ANKRD12: variants seen among roughly 807,000 people sequenced by gnomAD.
ANKRD12 encodes the protein ankyrin repeat domain-containing protein 12.
In ANKRD12, 85 loss-of-function variants were observed where a neutral mutation model predicts 183.4. The ratio of observed to expected loss-of-function variants is 0.46; its 90% CI spans 0.39 to 0.56. ANKRD12 has a LOEUF of 0.56. Ranked by LOEUF, ANKRD12 falls within the 20% of genes least tolerant of loss-of-function variation. The pLI is 0.00. For synonymous variants in ANKRD12, 914 were observed against 800.2 expected, an observed-to-expected ratio of 1.14 and a Z score of -2.40; for missense variants, 2,405 against 2,357.1, an observed-to-expected ratio of 1.02 and a Z score of -0.42.
At chr18:9,195,764 T>G in intron 3 of ANKRD12, 66 bp downstream of exon 3, 1 of 1,464,698 alleles carries the variant, frequency 6.8e-7, no homozygotes, top group Non-Finnish European at 9.3e-7. Context: ...TTGTTTCTTG[T>G]ACACCACTCC....
At chr18:9,178,114 C>T (rs1017300461) in intron 1 of ANKRD12, among the ~76,000 whole-genome samples, 3 of 152,198 alleles carry the variant, frequency 2.0e-5, no homozygotes, top group African/African-American at 7.2e-5. Context: ...ATTTAAAGAG[C>T]AGAAGTTTTT....
chr18:9,257,582 T>C lies in ANKRD12; in HGVS notation c.4315T>C (p.Ser1439Pro). The change falls in exon 9 of 13, where the codon TCT becomes CCT. Residue 1439 changes from serine (S) to proline (P), a missense_variant. Ser to Pro is a moderately conservative substitution (Grantham distance 74, BLOSUM62 -1). This residue lies in a region of ANKRD12 where 1,983 missense variants were observed against 1,725.9 expected (regional missense o/e 1.15). Transcript: ENST00000262126. The part of the protein sequence containing the change: ...LSTRDFICPN[S>P]NIPDQESSLQ... ...CACCAGAGACTTTATCTGCCCAAAT[T>C]CTAACATACCTGATCAAGAATCCTC... 6.2e-7 allele frequency: 1 copy of C among 1,614,064 alleles called. No homozygotes were observed. Among genetic ancestry groups the C allele is most frequent in the Non-Finnish European group, 8.5e-7 (1 of 1,179,982 alleles).
intron 1 of ANKRD12, among the ~76,000 whole-genome samples, chr18:9,157,573 G>GTATATA (rs1409678510): frequency 8.9e-6 from 1 of 112,160 alleles, no homozygotes; most frequent in Non-Finnish European, 1.8e-5. Flanking sequence ...GTGTGTGTGT[G>GTATATA]TGTGTGTGTG....
intron 2 of ANKRD12, among the ~76,000 whole-genome samples, chr18:9,193,862 C>G (rs530411287): frequency 4.6e-5 from 7 of 152,336 alleles, no homozygotes; most frequent in African/African-American, 1.7e-4. Flanking sequence ...ACATTTCTCA[C>G]AAAGGAGTTG....
At chr18:9,154,088 A>C (rs1325951275) in intron 1 of ANKRD12, among the ~76,000 whole-genome samples, 1 of 152,108 alleles carries the variant, frequency 6.6e-6, no homozygotes, top group East Asian at 1.9e-4. Flanking sequence ...GAAAAAGTTC[A>C]AGCAGGGCGG....
intron 10 of ANKRD12, among the ~76,000 whole-genome samples, chr18:9,270,453 A>T (rs1232388800): frequency 6.6e-6 from 1 of 152,244 alleles, no homozygotes; most frequent in East Asian, 1.9e-4. Flanking sequence ...TGATGAGTTT[A>T]TGTCCTCTGT....
intron 3 of ANKRD12, chr18:9,200,726 T>C (rs1237317866): frequency 6.6e-6 from 1 of 152,230 alleles, no homozygotes; most frequent in Non-Finnish European, 1.5e-5. Flanking sequence ...TGACATAGCA[T>C]GTAAATTTAG....
chr18:9,208,834 A>G (rs1204280776), intron 5 of ANKRD12, 31 bp downstream of exon 5: 1 of 1,472,178 alleles, frequency 6.8e-7, no homozygotes, highest in East Asian at 2.4e-5. Context: ...GTTAATGTGT[A>G]TCCCTAGTTT....
intron 1 of ANKRD12, among the ~76,000 whole-genome samples, chr18:9,139,168 T>C (rs978350580): frequency 1.3e-5 from 2 of 152,212 alleles, no homozygotes; most frequent in African/African-American, 4.8e-5. Context: ...AACAAAAATA[T>C]TCAGACGAGG....
chr18:9,202,293 A>G (rs947781328), intron 3 of ANKRD12, among the ~76,000 whole-genome samples: 2 of 152,200 alleles, frequency 1.3e-5, no homozygotes, highest in African/African-American at 4.8e-5. Context: ...GATGCCATTT[A>G]AGGGTTTACC....
rs147474107 is a variant in ANKRD12, at chr18:9,235,178, G to A, written c.943+13179G>A. Among the ~76,000 whole-genome samples, 14 of 152,292 alleles carry A rather than the reference G, an allele frequency of 9.2e-5. No individual in the cohort carries two copies. In the East Asian group the frequency reaches 2.5e-3, roughly 27 times the overall value. ...AAAAAATTAATTCATCATCATAAGA[G>A]GATGATAGAGAGCCAGTTTGTCATC... On this transcript the variant is annotated intron_variant, in intron 8 of 12. Transcript: ENST00000262126.
chr18:9,157,555 GTGTGT>G, intron 1 of ANKRD12, among the ~76,000 whole-genome samples: 1 of 84,172 alleles, frequency 1.2e-5, no homozygotes, highest in East Asian at 3.3e-4. Flanking sequence ...GTGTGGGTGT[GTGTGT>G]GTGTGTGTGT....
At chr18:9,262,073 T>C (rs1416238017) in intron 9 of ANKRD12, among the ~76,000 whole-genome samples, 3 of 152,226 alleles carry the variant, frequency 2.0e-5, no homozygotes, top group African/African-American at 7.2e-5. Context: ...TGTAGAATTT[T>C]CCACATTGTG....
In ANKRD12 at chr18:9,169,319, A is replaced by G. The variant is rs535619957; in HGVS notation, c.-51-13063A>G. Among the ~76,000 whole-genome samples the G allele has an allele frequency of 5.3e-5, 8 of 152,222 alleles. No homozygotes were observed. The South Asian group carries it at 1.5e-3, about 28-fold the overall frequency. ...TGTCTAATGTTGAAAGTGGGGTGTTAAAGTCTCCCATTATTGTGTGGGAGT... is the reference window on the plus strand; with the variant it reads ...TGTCTAATGTTGAAAGTGGGGTGTTGAAGTCTCCCATTATTGTGTGGGAGT... On this transcript the variant is annotated intron_variant, in intron 1 of 12. Coordinates refer to ENST00000262126, the MANE Select transcript of ANKRD12 (RefSeq NM_015208.5).
Position 9,254,532 on chromosome 18 carries a change from T to C in ANKRD12, c.1265T>C (p.Leu422Ser). 2 of 1,552,120 alleles carry C rather than the reference T, an allele frequency of 1.3e-6. No homozygotes were observed. Among genetic ancestry groups the C allele is most frequent in the Non-Finnish European group, 1.7e-6 (2 of 1,155,140 alleles). ...AAAAAACAAAAGCCATCTAGGGTCTTATATTCAAGTACTGAAAGTTCTGAT... is the reference window on the plus strand; with the variant it reads ...AAAAAACAAAAGCCATCTAGGGTCTCATATTCAAGTACTGAAAGTTCTGAT... ...KSKKQKPSRV[L>S]YSSTESSDEE... is the part of the protein sequence containing the mutation. The change falls in exon 9 of 13, where the codon TTA (leucine) becomes TCA (serine). Residue 422 changes from leucine to serine, a missense_variant. By Grantham distance (145) the Leu-to-Ser change is moderately radical. Transcript: ENST00000262126.
intron 12 of ANKRD12, among the ~76,000 whole-genome samples, chr18:9,280,655 G>T (rs2040069436): frequency 6.6e-6 from 1 of 152,128 alleles, no homozygotes; most frequent in Non-Finnish European, 1.5e-5. Flanking sequence ...TGGGCGTGGT[G>T]GCACATGCCT....
Position 9,254,278 on chromosome 18 carries a change from A to G in ANKRD12, c.1011A>G (p.Lys337=), listed in dbSNP as rs747844450. ...AAAATATTGACTCTGAAACAGAGAA[A>G]GACTCTCTCATCTGTGAAAGTAAAC... is the stretch of plus-strand genomic sequence containing the variant. The part of the protein sequence containing the change: ...VDENIDSETE[K]DSLICESKQI... Residue 337 remains lysine, a synonymous_variant, in exon 9 of 13, where the codon AAA becomes AAG. Coordinates refer to ENST00000262126, the MANE Select transcript of ANKRD12 (RefSeq NM_015208.5). 16 of 1,610,000 alleles carry G rather than the reference A, an allele frequency of 9.9e-6. No homozygotes were observed. The highest frequency in any genetic ancestry group is 1.4e-5 in the Non-Finnish European group (16 of 1,178,612).
chr18:9,241,725 G>A (rs1482290660), intron 8 of ANKRD12, among the ~76,000 whole-genome samples: 1 of 152,160 alleles, frequency 6.6e-6, no homozygotes, highest in Admixed American at 6.5e-5. Context: ...TCTAACGTAT[G>A]TGGTGTGCTT....
chr18:9,163,979 G>A (rs2031751292), intron 1 of ANKRD12, among the ~76,000 whole-genome samples: 1 of 152,096 alleles, frequency 6.6e-6, no homozygotes, highest in Non-Finnish European at 1.5e-5. Context: ...TGCAAACAAA[G>A]GTAATTTGAC....
Sources: gnomAD v4.1 joint callset for allele counts (sites outside exome capture counted in the v4.1 genomes callset) on GRCh38, gnomAD v4.1.1 for gene constraint, gnomAD v4.1.1 regional missense constraint, MANE v1.5 for transcripts, NCBI Gene and HGNC (gene_info 2026-07-23, HGNC 2026-07-21) for gene names.